The following BCAS3 variants were observed in gnomAD, a reference collection of about 807,000 sequenced individuals.
BCAS3 encodes BCAS4/BCAS3 fusion.
In BCAS3, 53 loss-of-function variants were observed where a neutral mutation model predicts 116.1. That is an observed-to-expected ratio of 0.46 (90% confidence interval 0.37 to 0.57). The LOEUF (loss-of-function observed/expected upper bound fraction) is 0.57, where lower values mean the gene tolerates loss of function less well. BCAS3 is among the 20% of genes least tolerant of loss of function. The pLI, the probability that BCAS3 is intolerant of heterozygous loss-of-function variation, is 0.00. For missense variants in BCAS3, 917 were observed against 1,165.4 expected, an observed-to-expected ratio of 0.79 and a Z score of 3.10; for synonymous variants, 391 against 408.2, an observed-to-expected ratio of 0.96 and a Z score of 0.51.
chr17:61,249,466 G>A lies in BCAS3; in HGVS notation c.2426-118861G>A, dbSNP rs186639696. ...CAAAGGCTTATTTGCTAGCACAAAAGGTCATGAAACACACCCAAAACTATA... is the reference window on the plus strand; with the variant it reads ...CAAAGGCTTATTTGCTAGCACAAAAAGTCATGAAACACACCCAAAACTATA... On this transcript the variant is annotated intron_variant, in intron 22 of 23. Transcript: ENST00000407086. This position sits in a 1 kb window ranked among gnomAD's most constrained non-coding sequence, Gnocchi z 6.2. 6.6e-6 allele frequency among the ~76,000 whole-genome samples: 1 copy of A among 152,252 alleles called. No individual in the cohort carries two copies. The highest frequency in any genetic ancestry group is 2.4e-5 in the African/African-American group (1 of 41,542).
At chr17:60,799,136 A>G (rs1340432035) in intron 6 of BCAS3, among the ~76,000 whole-genome samples, 1 of 152,098 alleles carries the variant, frequency 6.6e-6, no homozygotes, top group Admixed American at 6.5e-5. Flanking sequence ...TACTTTTTAC[A>G]TGTACTTTTT....
At chr17:60,786,570 T>TATATAA (rs1555715118) in intron 6 of BCAS3, among the ~76,000 whole-genome samples, 1 of 148,020 alleles carries the variant, frequency 6.8e-6, no homozygotes, top group Admixed American at 6.7e-5. Context: ...TATATATATA[T>TATATAA]AAAATGTGTC....
chr17:60,838,056 C>T (rs1477812464), intron 7 of BCAS3, among the ~76,000 whole-genome samples: 1 of 151,818 alleles, frequency 6.6e-6, no homozygotes, highest in Admixed American at 6.6e-5. Flanking sequence ...AACAGTGATA[C>T]AAGAACTCAG....
chr17:61,187,128 A>G (rs1290357509), intron 22 of BCAS3, among the ~76,000 whole-genome samples: 1 of 152,236 alleles, frequency 6.6e-6, no homozygotes, highest in Non-Finnish European at 1.5e-5. Flanking sequence ...ATTGGTTTCT[A>G]CATGTTATTT....
intron 14 of BCAS3, among the ~76,000 whole-genome samples, chr17:60,958,126 C>T (rs551057517): frequency 1.8e-4 from 27 of 152,306 alleles, no homozygotes; most frequent in Non-Finnish European, 3.2e-4. Flanking sequence ...GCCTAGCAGT[C>T]TCCCTGAATT....
At chr17:60,899,672 A>G (rs952976238) in intron 10 of BCAS3, among the ~76,000 whole-genome samples, 5 of 151,564 alleles carry the variant, frequency 3.3e-5, no homozygotes, top group Admixed American at 1.3e-4. Context: ...TAATTTTTGT[A>G]TTTTTCATAG....
intron 22 of BCAS3, among the ~76,000 whole-genome samples, chr17:61,207,237 T>C (rs922728951): frequency 2.6e-5 from 4 of 152,208 alleles, no homozygotes; most frequent in African/African-American, 9.6e-5. Flanking sequence ...TTCTCCAGCC[T>C]ATGGGTACAA....
chr17:60,686,813 A>T (rs1013792982), intron 3 of BCAS3, among the ~76,000 whole-genome samples: 1 of 152,238 alleles, frequency 6.6e-6, no homozygotes, highest in Non-Finnish European at 1.5e-5. Flanking sequence ...GGCGTGAGCC[A>T]CTGCACCTGG....
Position 61,128,634 on chromosome 17 carries a change from C to A in BCAS3, c.2425+44070C>A, listed in dbSNP as rs533529029. The A allele has an allele frequency of 2.8e-5, 27 of 970,568 alleles. No individual in the cohort carries two copies. The South Asian group carries it at 5.7e-4, about 21-fold the overall frequency. 60.1% of individuals were successfully genotyped at this position (970,568 alleles called of 1,614,324 possible). A position where few individuals can be genotyped will look rare whatever the true frequency, so the allele number is the denominator to read the frequency against. ...GCAAGTAACCCAGCAGAGTTTGTGA[C>A]AGAAACTGTTAGCCCTCTTTTGTAT... On this transcript the variant is annotated intron_variant, in intron 22 of 23. Coordinates refer to ENST00000407086, the MANE Select transcript of BCAS3 (RefSeq NM_017679.5). This position sits in a 1 kb window ranked among gnomAD's most constrained non-coding sequence, Gnocchi z 4.1.
rs2050928048 is a variant in BCAS3 at position 61,278,107 on chromosome 17, G to A, written c.2426-90220G>A. 1.3e-5 allele frequency among the ~76,000 whole-genome samples: 2 copies of A among 152,198 alleles called. No homozygotes were observed. On this transcript the variant is annotated intron_variant, in intron 22 of 23. Coordinates refer to ENST00000407086, the MANE Select transcript of BCAS3 (RefSeq NM_017679.5). The surrounding 1 kb of genome is among the most constrained non-coding windows in gnomAD (Gnocchi z 5.8). The stretch of plus-strand genomic sequence containing the variant: ...GCTGGAGTGAGGTGGTACAATCTTG[G>A]TTCACTGCAACCTCTGCCTCCCGGG...
rs920687522 is a variant in BCAS3 at position 60,683,890 on chromosome 17, C to G, written c.84-92C>G. On this transcript the variant is annotated intron_variant, in intron 2 of 23. Transcript: ENST00000407086. ...CCAAAAAACAAACAACAACAAAAAA[C>G]AAGTGACTTTATTAAGGCTTGTAAA... 24 of 1,081,552 alleles carry G rather than the reference C, an allele frequency of 2.2e-5. No individual in the cohort carries two copies. In the Admixed American group the frequency reaches 5.7e-4, roughly 26 times the overall value. The allele number at this position is 1,081,552 out of a possible 1,614,324, so 67.0% of individuals were successfully genotyped here. A position where few individuals can be genotyped will look rare whatever the true frequency, so the allele number is the denominator to read the frequency against.
chr17:60,775,543 A>G (rs1161947442), intron 6 of BCAS3, among the ~76,000 whole-genome samples: 5 of 150,102 alleles, frequency 3.3e-5, no homozygotes, highest in African/African-American at 1.2e-4. Flanking sequence ...TGCAGTTTTT[A>G]TGTATATATA....
chr17:61,082,759 G>A lies in BCAS3; in HGVS notation c.2328-1708G>A, dbSNP rs1265097432. On this transcript the variant is annotated intron_variant, in intron 21 of 23. Coordinates refer to ENST00000407086, the MANE Select transcript of BCAS3 (RefSeq NM_017679.5). The surrounding 1 kb of genome is among the most constrained non-coding windows in gnomAD (Gnocchi z 5.1). ...CCCTAACTAACCACTGCCGAGATGT[G>A]ATGAGATTACCATGATTGGCTTAGA... Among the ~76,000 whole-genome samples the A allele has an allele frequency of 6.6e-6, 1 of 152,202 alleles. No individual in the cohort carries two copies. The highest frequency in any genetic ancestry group is 1.5e-5 in the Non-Finnish European group (1 of 68,032).
rs1351388855 is a variant in BCAS3 at position 61,251,284 on chromosome 17, A to G, written c.2426-117043A>G. ...TTTGGGATTCCTTGCTGAAAAAAAG[A>G]CTGGGCTGGGTGTGGTGGCTCATGC... On this transcript the variant is annotated intron_variant, in intron 22 of 23. Transcript: ENST00000407086. The surrounding 1 kb of genome is among the most constrained non-coding windows in gnomAD (Gnocchi z 4.7). Among the ~76,000 whole-genome samples, 1 of 152,132 alleles carries G rather than the reference A, an allele frequency of 6.6e-6. No homozygotes were observed. Among genetic ancestry groups the G allele is most frequent in the East Asian group, 1.9e-4 (1 of 5,186 alleles).
chr17:60,713,733 T>C lies in BCAS3; in HGVS notation c.321+4408T>C, dbSNP rs1359084648. Among the ~76,000 whole-genome samples, 7 of 152,374 alleles carry C rather than the reference T, an allele frequency of 4.6e-5. No individual in the cohort carries two copies. The East Asian group carries it at 1.3e-3, about 29-fold the overall frequency. On this transcript the variant is annotated intron_variant, in intron 5 of 23. Coordinates refer to ENST00000407086, the MANE Select transcript of BCAS3 (RefSeq NM_017679.5). ...TATATGCAAATACTATGCCATTTTATGTAAAGGACTTGAGCATGATGGACT... is the reference window on the plus strand; with the variant it reads ...TATATGCAAATACTATGCCATTTTACGTAAAGGACTTGAGCATGATGGACT...
intron 22 of BCAS3, among the ~76,000 whole-genome samples, chr17:61,303,668 C>T (rs1385487828): frequency 6.6e-6 from 1 of 152,204 alleles, no homozygotes; most frequent in Non-Finnish European, 1.5e-5. Context: ...ACCCTCTCTT[C>T]TTTTGCCTAT....
chr17:61,027,125 A>C (rs535946421), intron 16 of BCAS3, among the ~76,000 whole-genome samples: 77 of 151,892 alleles, frequency 5.1e-4, no homozygotes, highest in East Asian at 3.1e-3. Flanking sequence ...AAAAAACAAA[A>C]AAAAAAAAAC....
At chr17:61,184,557 A>T (rs1001052187) in intron 22 of BCAS3, among the ~76,000 whole-genome samples, 8 of 152,202 alleles carry the variant, frequency 5.3e-5, no homozygotes, top group Admixed American at 1.3e-4. Context: ...GTGGTTTCTT[A>T]TAAAGTTAAA....
chr17:60,704,709 G>T (rs112453927), intron 4 of BCAS3, among the ~76,000 whole-genome samples: 1 of 151,358 alleles, frequency 6.6e-6, no homozygotes, highest in African/African-American at 2.4e-5. Context: ...ATGGTGGTGC[G>T]TGCCTATAAT....
Sources: gnomAD v4.1 joint callset for allele counts (sites outside exome capture counted in the v4.1 genomes callset) on GRCh38, gnomAD v4.1.1 for gene constraint, Gnocchi (gnomAD v3.1) non-coding constraint, MANE v1.5 for transcripts, NCBI Gene and HGNC (gene_info 2026-07-23, HGNC 2026-07-21) for gene names.